Variants in NOL4 observed in about 807,000 individuals in gnomAD.
NOL4 encodes cancer/testis antigen 125.
Under a neutral mutation model 75.9 loss-of-function variants are expected in NOL4, and 17 were observed. The observed-to-expected ratio is 0.22, with a 90% CI of 0.15 to 0.34. The LOEUF (loss-of-function observed/expected upper bound fraction) is 0.34. Ranked by LOEUF, NOL4 falls within the 10% of genes least tolerant of loss-of-function variation. The probability of loss-of-function intolerance (pLI) is 1.00; values close to 1 mark genes in which losing one functional copy is unlikely to be tolerated. For missense variants in NOL4, 614 were observed against 793.5 expected (o/e 0.77, Z 2.72); for synonymous variants, 292 against 289.9 (o/e 1.01, Z -0.07).
chr18:34,058,283 G>A lies in NOL4; in HGVS notation c.772+35182C>T, dbSNP rs529921907. Among the ~76,000 whole-genome samples, 264 of 152,098 alleles carry A rather than the reference G, an allele frequency of 1.7e-3. 1 individual carries two copies. Among genetic ancestry groups the A allele is most frequent in the African/African-American group, 5.8e-3 (239 of 41,508 alleles). On this transcript the variant is annotated intron_variant, in intron 5 of 10. Coordinates refer to ENST00000261592, the MANE Select transcript of NOL4 (RefSeq NM_003787.5). ...CGAGTAGCTGGGACTACAGGCACCC[G>A]CCACCACGCCCGGCTAATTTTTTGT...
chr18:33,931,200 A>G (rs1025830168), intron 9 of NOL4, among the ~76,000 whole-genome samples: 2 of 152,172 alleles, frequency 1.3e-5, no homozygotes, highest in African/African-American at 4.8e-5. Context: ...ATTCACTATC[A>G]AAGAATTAAT....
intron 6 of NOL4, among the ~76,000 whole-genome samples, chr18:34,010,801 TC>T (rs2074327973): frequency 1.3e-5 from 2 of 151,930 alleles, no homozygotes; most frequent in Admixed American, 6.6e-5. Context: ...TCTTTGATGA[TC>T]AATGAGGTTG....
At chr18:33,887,691 T>C (rs545311280) in intron 9 of NOL4, among the ~76,000 whole-genome samples, 1 of 152,202 alleles carries the variant, frequency 6.6e-6, no homozygotes, top group African/African-American at 2.4e-5. Context: ...GTCCTTGTGA[T>C]AGTTTGCTGA....
chr18:34,122,136 C>A (rs1290470542), intron 2 of NOL4, among the ~76,000 whole-genome samples: 1 of 152,140 alleles, frequency 6.6e-6, no homozygotes, highest in Non-Finnish European at 1.5e-5. Context: ...TTTCAGAATT[C>A]ACCCGTAACC....
intron 9 of NOL4, among the ~76,000 whole-genome samples, chr18:33,889,661 C>T (rs1214759697): frequency 6.6e-6 from 1 of 152,046 alleles, no homozygotes; most frequent in Admixed American, 6.6e-5. Flanking sequence ...AAACCGAATC[C>T]AACAGCACAT....
intron 5 of NOL4, among the ~76,000 whole-genome samples, chr18:34,088,006 G>A (rs1212675540): frequency 6.6e-6 from 1 of 151,324 alleles, no homozygotes; most frequent in South Asian, 2.1e-4. Context: ...TTTTTAAAAT[G>A]CAAATATATA....
intron 1 of NOL4, among the ~76,000 whole-genome samples, chr18:34,168,581 T>G (rs1456645512): frequency 6.6e-6 from 1 of 151,120 alleles, no homozygotes; most frequent in Non-Finnish European, 1.5e-5. Flanking sequence ...ATTTATGTTA[T>G]TTATAATATA....
chr18:33,915,538 C>T (rs1193371671), intron 9 of NOL4, among the ~76,000 whole-genome samples: 5 of 151,800 alleles, frequency 3.3e-5, no homozygotes, highest in African/African-American at 4.8e-5. Context: ...CTGGAATAGG[C>T]GAGAGGCGAT....
intron 1 of NOL4, among the ~76,000 whole-genome samples, chr18:34,206,297 C>T (rs537877550): frequency 3.1e-4 from 47 of 152,178 alleles, no homozygotes; most frequent in African/African-American, 1.1e-3. Context: ...TTTCATCAGT[C>T]ATACATATTT....
chr18:34,112,201 T>G (rs1015113062), intron 2 of NOL4, among the ~76,000 whole-genome samples: 2 of 151,942 alleles, frequency 1.3e-5, no homozygotes, highest in East Asian at 3.9e-4. Context: ...AAACCTTATC[T>G]CTACTAAAAT....
intron 1 of NOL4, among the ~76,000 whole-genome samples, chr18:34,180,321 G>A (rs1349986331): frequency 6.6e-6 from 1 of 151,494 alleles, no homozygotes; most frequent in Non-Finnish European, 1.5e-5. Context: ...ATGGATAAAT[G>A]CAAAGCTGAT....
chr18:34,034,612 A>T, intron 5 of NOL4, among the ~76,000 whole-genome samples: 1 of 152,152 alleles, frequency 6.6e-6, no homozygotes, highest in East Asian at 1.9e-4. Context: ...AGTGGTGCAC[A>T]CCGATAGTCC....
chr18:34,054,665 A>G (rs2076759242), intron 5 of NOL4, among the ~76,000 whole-genome samples: 1 of 151,806 alleles, frequency 6.6e-6, no homozygotes, highest in South Asian at 2.1e-4. Context: ...TCAGCAAATT[A>G]TATCTTTTGA....
chr18:33,957,267 C>T, intron 8 of NOL4, 59 bp downstream of exon 8: 1 of 1,321,974 alleles, frequency 7.6e-7, no homozygotes, highest in Non-Finnish European at 1.0e-6. Context: ...AAAATAGTGT[C>T]ATGGTTTACA....
intron 9 of NOL4, among the ~76,000 whole-genome samples, chr18:33,883,922 T>C (rs2064473372): frequency 6.6e-6 from 1 of 151,872 alleles, no homozygotes; most frequent in South Asian, 2.1e-4. Context: ...CAAAGAAACA[T>C]AAAGTAGAAT....
intron 2 of NOL4, among the ~76,000 whole-genome samples, chr18:34,114,652 CAAATGGT>C (rs1202168727): frequency 6.6e-6 from 1 of 152,036 alleles, no homozygotes; most frequent in East Asian, 1.9e-4. Flanking sequence ...ATTATTTTAG[CAAATGGT>C]TAAAACAGAT....
intron 1 of NOL4, among the ~76,000 whole-genome samples, chr18:34,209,960 C>T (rs535617021): frequency 1.6e-4 from 24 of 152,192 alleles, no homozygotes; most frequent in African/African-American, 5.8e-4. Flanking sequence ...ATGGGCACAT[C>T]CAATATTTAT....
chr18:34,043,734 G>A (rs1190527230), intron 5 of NOL4, among the ~76,000 whole-genome samples: 2 of 152,088 alleles, frequency 1.3e-5, no homozygotes, highest in Non-Finnish European at 2.9e-5. Flanking sequence ...GGTGCACAGT[G>A]TAAGGGTTAA....
intron 10 of NOL4, among the ~76,000 whole-genome samples, chr18:33,858,614 T>A (rs1239351332): frequency 6.6e-6 from 1 of 152,078 alleles, no homozygotes. Flanking sequence ...TATTCACAAG[T>A]CTGATTACAC....
Sources: gnomAD v4.1 joint callset for allele counts (sites outside exome capture counted in the v4.1 genomes callset) on GRCh38, gnomAD v4.1.1 for gene constraint, MANE v1.5 for transcripts, NCBI Gene and HGNC (gene_info 2026-07-23, HGNC 2026-07-21) for gene names.